Variants in UNC13B observed in about 807,000 individuals in gnomAD.
The protein encoded by UNC13B is protein unc-13 homolog B.
In UNC13B, 144 loss-of-function variants were observed where a neutral mutation model predicts 211.0. The ratio of observed to expected loss-of-function variants is 0.68; its 90% CI spans 0.60 to 0.78. The LOEUF (loss-of-function observed/expected upper bound fraction) is 0.78. Among genes scored for constraint, UNC13B ranks in the 30% least tolerant of loss-of-function variants. The pLI, the probability that UNC13B is intolerant of heterozygous loss-of-function variation, is 0.00. For synonymous variants in UNC13B, 709 were observed against 725.8 expected (o/e 0.98, Z 0.37); for missense variants, 1,777 against 2,002.0 (o/e 0.89, Z 2.14).
intron 1 of UNC13B, among the ~76,000 whole-genome samples, chr9:35,216,368 G>T (rs1349434261): frequency 3.9e-5 from 6 of 152,160 alleles, no homozygotes; most frequent in African/African-American, 1.4e-4. Flanking sequence ...GAAGACGACA[G>T]ACCAGCTAGG....
At chr9:35,282,832 A>G (rs185922879) in intron 7 of UNC13B, among the ~76,000 whole-genome samples, 1 of 152,066 alleles carries the variant, frequency 6.6e-6, no homozygotes, top group East Asian at 1.9e-4. Context: ...CCATTTGACT[A>G]TATGGTTTTG....
At chr9:35,328,642 TCCTTCCTTCCTTCCTTCCTTCCTCCCTC>T (rs766000433) in intron 11 of UNC13B, among the ~76,000 whole-genome samples, 2,890 of 84,458 alleles carry the variant, frequency 0.034, 131 homozygotes, top group East Asian at 0.15. Flanking sequence ...CTTCCTTCCT[TCCTTCCTTCCTTCCTTCCTTCCTCCCTC>T]CCTTCCTTCC....
In UNC13B at chr9:35,302,664, A is replaced by G. The variant is rs1267005247; in HGVS notation, c.3260A>G (p.Lys1087Arg). 1 of 398,578 alleles carries G rather than the reference A, an allele frequency of 2.5e-6. No homozygotes were observed. The highest frequency in any genetic ancestry group is 4.4e-6 in the Non-Finnish European group (1 of 225,794). The allele number at this position is 398,578 out of a possible 1,614,324, so 24.7% of individuals were successfully genotyped here. ...TTAGCCATCCCTGGAGTTGTGCCCA[A>G]AGAACATATAACTTCAGATCCTTTA... ...DGLAIPGVVP[K>R]EHITSDPLGE... The change falls in exon 9 of 40, where the codon AAA becomes AGA. Residue 1087 changes from lysine to arginine, a missense_variant. Coordinates refer to ENST00000635942, the MANE Select transcript of UNC13B (RefSeq NM_001371189.2).
intron 27 of UNC13B, 57 bp from the exon 28 acceptor site, chr9:35,396,784 G>T: frequency 6.2e-7 from 1 of 1,609,266 alleles, no homozygotes; most frequent in Non-Finnish European, 8.5e-7. Flanking sequence ...GAGCTGTCAG[G>T]AAGTGGCGTA....
At chr9:35,398,076 AGCTCTTAGT>A in intron 30 of UNC13B, 126 bp from the exon 31 acceptor site, 4 of 705,606 alleles carry the variant, frequency 5.7e-6, no homozygotes, top group African/African-American at 1.8e-5. Context: ...AACTGGCCCC[AGCTCTTAGT>A]GCTGAGGGAG....
At chr9:35,308,493 C>G in intron 9 of UNC13B, 81 bp downstream of exon 9, 1 of 397,676 alleles carries the variant, frequency 2.5e-6, no homozygotes, top group Non-Finnish European at 4.4e-6. Context: ...GTAGATTAAT[C>G]ATAGCTTGCT....
At chr9:35,187,866 G>A (rs1196708423) in intron 1 of UNC13B, among the ~76,000 whole-genome samples, 1 of 152,148 alleles carries the variant, frequency 6.6e-6, no homozygotes, top group Non-Finnish European at 1.5e-5. Context: ...TATGAGGCCA[G>A]TTCTTCTCAT....
chr9:35,167,754 A>ATTTTTTTTT (rs765603183), intron 1 of UNC13B, among the ~76,000 whole-genome samples: 54 of 115,606 alleles, frequency 4.7e-4, no homozygotes, highest in African/African-American at 5.9e-4. Context: ...TGCCTGGCTA[A>ATTTTTTTTT]TTTTTTTTTT....
At chr9:35,196,321 T>C (rs1055624015) in intron 1 of UNC13B, among the ~76,000 whole-genome samples, 15 of 152,240 alleles carry the variant, frequency 9.9e-5, no homozygotes, top group African/African-American at 3.6e-4. Flanking sequence ...GTTCCATGCA[T>C]AGAACTGGCT....
chr9:35,378,440 AGT>A lies in UNC13B; in HGVS notation c.10205+5_10205+6del, dbSNP rs751376913. 6.2e-7 allele frequency: 1 copy of A among 1,614,182 alleles called. No individual in the cohort carries two copies. The highest frequency in any genetic ancestry group is 8.5e-7 in the Non-Finnish European group (1 of 1,180,018). ...TTTGGGAGGAGAAGTTCCATTTGTA[AGT>A]CACAGAGAGCTTTGTCTTACCTGGG... On this transcript the variant is annotated splice_donor_5th_base_variant and intron_variant, in intron 17 of 39. Transcript: ENST00000635942.
At chr9:35,241,598 A>C in intron 5 of UNC13B, among the ~76,000 whole-genome samples, 1 of 110,298 alleles carries the variant, frequency 9.1e-6, no homozygotes, top group African/African-American at 3.3e-5. Context: ...CACACACACC[A>C]CCATCTTCTT....
intron 5 of UNC13B, among the ~76,000 whole-genome samples, chr9:35,240,987 A>T (rs1564086846): frequency 6.7e-6 from 1 of 149,610 alleles, no homozygotes; most frequent in Admixed American, 6.8e-5. Context: ...CCCAGGAGGC[A>T]TGGAGGTTGC....
chr9:35,173,718 C>T (rs926131279), intron 1 of UNC13B, among the ~76,000 whole-genome samples: 1 of 152,194 alleles, frequency 6.6e-6, no homozygotes, highest in African/African-American at 2.4e-5. Context: ...GCCACTGTGC[C>T]TGGCCAGAAT....
At chr9:35,279,311 C>T (rs1290855640) in intron 7 of UNC13B, among the ~76,000 whole-genome samples, 1 of 152,166 alleles carries the variant, frequency 6.6e-6, no homozygotes, top group Non-Finnish European at 1.5e-5. Flanking sequence ...CCTTTTGTGA[C>T]TGGTTTATTT....
At chr9:35,299,405 A>G (rs1173854222) in intron 8 of UNC13B, among the ~76,000 whole-genome samples, 2 of 152,220 alleles carry the variant, frequency 1.3e-5, no homozygotes. Flanking sequence ...GAAAGTTAAC[A>G]GCTTGGCTTC....
intron 11 of UNC13B, among the ~76,000 whole-genome samples, chr9:35,319,663 T>C (rs1221682508): frequency 6.6e-6 from 1 of 151,958 alleles, no homozygotes; most frequent in African/African-American, 2.4e-5. Context: ...ACTTTTTTTT[T>C]TAATTTTATT....
chr9:35,385,822 T>C lies in UNC13B; in HGVS notation c.10965+9T>C, dbSNP rs757619857. The C allele has an allele frequency of 1.9e-6, 3 of 1,604,428 alleles. No homozygotes were observed. Among genetic ancestry groups the C allele is most frequent in the Admixed American group, 3.4e-5 (2 of 59,580 alleles). On this transcript the variant is annotated intron_variant, in intron 23 of 39. Coordinates refer to ENST00000635942, the MANE Select transcript of UNC13B (RefSeq NM_001371189.2). Reference sequence around the variant, plus strand: ...CTTTCTTCAGAATGAAGGTAAGAAATGGACTGGGGCTTGGGTGGTGCTGGG... The same window carrying C: ...CTTTCTTCAGAATGAAGGTAAGAAACGGACTGGGGCTTGGGTGGTGCTGGG...
chr9:35,360,062 A>C (rs145800213), intron 11 of UNC13B, among the ~76,000 whole-genome samples: 137 of 152,274 alleles, frequency 9.0e-4, no homozygotes, highest in African/African-American at 3.2e-3. Context: ...TGCATTTGCT[A>C]TATGTTCTTC....
chr9:35,210,433 G>A (rs1254664861), intron 1 of UNC13B, among the ~76,000 whole-genome samples: 1 of 152,152 alleles, frequency 6.6e-6, no homozygotes, highest in Non-Finnish European at 1.5e-5. Context: ...ATCACAGAAA[G>A]TTTTATTTAC....
Sources: allele counts gnomAD v4.1 joint callset (sites outside exome capture counted in the v4.1 genomes callset), GRCh38; gene constraint gnomAD v4.1.1; transcripts MANE v1.5; gene names NCBI Gene and HGNC (gene_info 2026-07-23, HGNC 2026-07-21).